SEMA5A: variants seen among roughly 807,000 people sequenced by gnomAD.
SEMA5A encodes semaphorin 5A, also known as semaphorin-5A.
In SEMA5A, 55 loss-of-function variants were observed where a neutral mutation model predicts 135.5. The observed-to-expected ratio is 0.41, with a 90% CI of 0.33 to 0.51. The LOEUF is 0.51. SEMA5A is among the 20% of genes least tolerant of loss of function. The pLI, the probability that SEMA5A is intolerant of heterozygous loss-of-function variation, is 0.37. For missense variants in SEMA5A, 1,290 were observed against 1,419.9 expected, an observed-to-expected ratio of 0.91 and a Z score of 1.47; for synonymous variants, 580 against 546.5, an observed-to-expected ratio of 1.06 and a Z score of -0.85.
chr5:9,424,394 A>G (rs763212718), intron 2 of SEMA5A, among the ~76,000 whole-genome samples: 1 of 152,182 alleles, frequency 6.6e-6, no homozygotes, highest in Non-Finnish European at 1.5e-5. Flanking sequence ...TACTATAGCA[A>G]ATGAAATATT....
rs1468225245 is a variant in SEMA5A, at chr5:9,041,442, A to G, written c.*1455T>C. ...CTTTTTTTCAATAATTATTCAACCA[A>G]CTGCCATAGGTTATGTATTGGTTGT... On this transcript the variant is annotated 3_prime_UTR_variant, in exon 23 of 23. Transcript: ENST00000382496. The G allele has an allele frequency of 6.6e-6, 1 of 151,994 alleles. No homozygotes were observed. Among genetic ancestry groups the G allele is most frequent in the Non-Finnish European group, 1.5e-5 (1 of 68,006 alleles). The allele number at this position is 151,994 out of a possible 1,614,324, so 9.4% of individuals were successfully genotyped here. A position where few individuals can be genotyped will look rare whatever the true frequency, so the allele number is the denominator to read the frequency against.
chr5:9,461,761 CTAAG>C (rs1759065715), intron 1 of SEMA5A, among the ~76,000 whole-genome samples: 1 of 152,182 alleles, frequency 6.6e-6, no homozygotes, highest in Non-Finnish European at 1.5e-5. Flanking sequence ...GCAGAGACAA[CTAAG>C]TAAGAGACAG....
intron 5 of SEMA5A, among the ~76,000 whole-genome samples, chr5:9,316,167 A>C (rs1188624614): frequency 1.3e-5 from 2 of 152,118 alleles, no homozygotes; most frequent in Non-Finnish European, 2.9e-5. Flanking sequence ...ATTGCCCCAG[A>C]TTTCTTCAGC....
chr5:9,355,200 G>A (rs2126330061), intron 3 of SEMA5A, among the ~76,000 whole-genome samples: 1 of 152,188 alleles, frequency 6.6e-6, no homozygotes. Flanking sequence ...AACGACAAGT[G>A]GGAGGCTGAT....
chr5:9,379,277 G>A lies in SEMA5A; in HGVS notation c.124+546C>T, dbSNP rs141128310. ...TCCACTCTGAATGCTTGAGTGCCCC[G>A]GGTGTGAAGGACCTTAAATAAATTT... is the stretch of plus-strand genomic sequence containing the variant. On this transcript the variant is annotated intron_variant, in intron 3 of 22. Coordinates refer to ENST00000382496, the MANE Select transcript of SEMA5A (RefSeq NM_003966.3). Among the ~76,000 whole-genome samples, 141 of 152,200 alleles carry A rather than the reference G, an allele frequency of 9.3e-4. 1 individual carries two copies. Among genetic ancestry groups the A allele is most frequent in the Middle Eastern group, 3.4e-3 (1 of 294 alleles).
At chr5:9,340,061 A>G (rs1753574836) in intron 3 of SEMA5A, among the ~76,000 whole-genome samples, 1 of 108,972 alleles carries the variant, frequency 9.2e-6, no homozygotes, top group South Asian at 2.8e-4. Flanking sequence ...AGGTGGCTTT[A>G]GAGAAAGATA....
chr5:9,485,218 A>C (rs1001656467), intron 1 of SEMA5A, among the ~76,000 whole-genome samples: 2 of 151,830 alleles, frequency 1.3e-5, no homozygotes, highest in Non-Finnish European at 2.9e-5. Context: ...CCATCTGAGC[A>C]TATGTACCTG....
At chr5:9,130,384 C>A (rs756019141) in intron 13 of SEMA5A, among the ~76,000 whole-genome samples, 1 of 152,148 alleles carries the variant, frequency 6.6e-6, no homozygotes, top group Non-Finnish European at 1.5e-5. Flanking sequence ...TAGATATGCT[C>A]CTCGGGAAAG....
chr5:9,532,539 C>T (rs572249246), intron 1 of SEMA5A, among the ~76,000 whole-genome samples: 103 of 151,644 alleles, frequency 6.8e-4, no homozygotes, highest in African/African-American at 2.3e-3. Context: ...CCACCCACCT[C>T]GGCCTCCCAA....
At chr5:9,192,841 A>G (rs1745188376) in intron 10 of SEMA5A, among the ~76,000 whole-genome samples, 1 of 152,186 alleles carries the variant, frequency 6.6e-6, no homozygotes, top group Non-Finnish European at 1.5e-5. Flanking sequence ...AAGTTTGCAC[A>G]CAGGTCTTGT....
chr5:9,515,918 C>T (rs1736485332), intron 1 of SEMA5A, among the ~76,000 whole-genome samples: 1 of 152,188 alleles, frequency 6.6e-6, no homozygotes, highest in Non-Finnish European at 1.5e-5. Flanking sequence ...CCACGTAGCA[C>T]CTCATAAATG....
chr5:9,289,001 G>A (rs1750937017), intron 5 of SEMA5A, among the ~76,000 whole-genome samples: 1 of 152,150 alleles, frequency 6.6e-6, no homozygotes, highest in Non-Finnish European at 1.5e-5. Flanking sequence ...TAGTGACATT[G>A]CCATTGATGG....
chr5:9,248,182 T>A (rs1480733174), intron 5 of SEMA5A, among the ~76,000 whole-genome samples: 1 of 152,062 alleles, frequency 6.6e-6, no homozygotes, highest in African/African-American at 2.4e-5. Flanking sequence ...GCATTTCAAG[T>A]GTGAGAATAA....
At chr5:9,406,315 A>C (rs1248417848) in intron 2 of SEMA5A, among the ~76,000 whole-genome samples, 1 of 152,212 alleles carries the variant, frequency 6.6e-6, no homozygotes, top group Non-Finnish European at 1.5e-5. Context: ...GCCAGTGGGA[A>C]TAGTCACATA....
chr5:9,089,243 C>T (rs949103195), intron 16 of SEMA5A, among the ~76,000 whole-genome samples: 1 of 152,220 alleles, frequency 6.6e-6, no homozygotes, highest in African/African-American at 2.4e-5. Flanking sequence ...CTAATGCGAT[C>T]CATGCACCAG....
chr5:9,349,022 T>C (rs1753998350), intron 3 of SEMA5A, among the ~76,000 whole-genome samples: 1 of 152,212 alleles, frequency 6.6e-6, no homozygotes, highest in Non-Finnish European at 1.5e-5. Flanking sequence ...CTCCTCACTA[T>C]AGGAAAATCT....
chr5:9,528,668 C>T (rs1265381204), intron 1 of SEMA5A, among the ~76,000 whole-genome samples: 1 of 152,166 alleles, frequency 6.6e-6, no homozygotes, highest in Non-Finnish European at 1.5e-5. Context: ...CAGGTGACTG[C>T]TACTGCATGA....
chr5:9,176,615 T>A (rs1041443100), intron 11 of SEMA5A, among the ~76,000 whole-genome samples: 1 of 152,258 alleles, frequency 6.6e-6, no homozygotes, highest in East Asian at 1.9e-4. Flanking sequence ...TAACACCTTG[T>A]TGAACTGTGT....
chr5:9,139,628 G>C (rs550754781), intron 12 of SEMA5A, among the ~76,000 whole-genome samples: 2 of 152,178 alleles, frequency 1.3e-5, no homozygotes, highest in South Asian at 4.1e-4. Context: ...TTATTACATG[G>C]TCACTGGAAG....
Sources: allele counts gnomAD v4.1 joint callset (sites outside exome capture counted in the v4.1 genomes callset), GRCh38; gene constraint gnomAD v4.1.1; transcripts MANE v1.5; gene names NCBI Gene and HGNC (gene_info 2026-07-23, HGNC 2026-07-21).